PLEKHA5: variants seen among roughly 807,000 people sequenced by gnomAD.
PLEKHA5 encodes the protein pleckstrin homology domain containing A5, also known as pleckstrin homology domain-containing family A member 5.
PLEKHA5 carries 55 observed loss-of-function variants against 181.9 expected under a neutral mutation model. The observed-to-expected ratio is 0.30, with a 90% confidence interval of 0.24 to 0.38. PLEKHA5 has a LOEUF of 0.38. PLEKHA5 is among the 10% of genes least tolerant of loss of function. The probability of loss-of-function intolerance (pLI) is 1.00; values close to 1 mark genes in which losing one functional copy is unlikely to be tolerated. For missense variants in PLEKHA5, 1,432 were observed against 1,549.5 expected (o/e 0.92, Z 1.27); for synonymous variants, 535 against 529.4 (o/e 1.01, Z -0.15).
At chr12:19,255,888 A>G (rs1356333006) in intron 5 of PLEKHA5, among the ~76,000 whole-genome samples, 2 of 150,204 alleles carry the variant, frequency 1.3e-5, no homozygotes, top group African/African-American at 4.9e-5. Context: ...AGATTTGAAA[A>G]AAAAAAAAAA....
intron 2 of PLEKHA5, chr12:19,131,001 T>G (rs2033632724): frequency 6.6e-6 from 1 of 152,318 alleles, no homozygotes; most frequent in Non-Finnish European, 1.5e-5. Flanking sequence ...ATGCTAAGTG[T>G]GAGTGGAGCT....
At chr12:19,209,881 A>T (rs1301908582) in intron 3 of PLEKHA5, among the ~76,000 whole-genome samples, 3 of 152,190 alleles carry the variant, frequency 2.0e-5, no homozygotes, top group Non-Finnish European at 2.9e-5. Context: ...AATGTCTGGG[A>T]AGTCATCTTC....
chr12:19,356,235 C>T (rs1034479092), intron 26 of PLEKHA5, among the ~76,000 whole-genome samples: 1 of 151,788 alleles, frequency 6.6e-6, no homozygotes, highest in Non-Finnish European at 1.5e-5. Flanking sequence ...CAGGTTTAGG[C>T]CAGGCATAGT....
chr12:19,283,229 T>G, intron 11 of PLEKHA5, 51 bp from the exon 12 acceptor site: 3 of 1,108,834 alleles, frequency 2.7e-6, no homozygotes, highest in Non-Finnish European at 3.8e-6. Context: ...ATTTAGAATT[T>G]GGAAAATAAC....
intron 3 of PLEKHA5, chr12:19,150,291 A>C (rs1394924438): frequency 6.6e-6 from 1 of 152,086 alleles, no homozygotes; most frequent in Non-Finnish European, 1.5e-5. Context: ...GTGTCAGTTT[A>C]AGGTCCAAAA....
At chr12:19,361,843 A>G in intron 29 of PLEKHA5, 137 bp downstream of exon 29, 1 of 723,292 alleles carries the variant, frequency 1.4e-6, no homozygotes, top group Non-Finnish European at 2.4e-6. Context: ...AGCAAGTTAT[A>G]TAACCTCTTA....
intron 3 of PLEKHA5, among the ~76,000 whole-genome samples, chr12:19,232,945 T>C (rs1434976155): frequency 2.6e-5 from 4 of 152,100 alleles, no homozygotes; most frequent in African/African-American, 9.7e-5. Flanking sequence ...TCTACTTCAG[T>C]TTATATAGTT....
chr12:19,356,674 T>TC (rs2094946407), intron 26 of PLEKHA5, among the ~76,000 whole-genome samples: 2 of 143,268 alleles, frequency 1.4e-5, no homozygotes, highest in Admixed American at 1.4e-4. Flanking sequence ...TTTTTTTTTT[T>TC]TTTTTTTTTT....
rs1419787921 is a variant in PLEKHA5 at position 19,347,008 on chromosome 12, C to A, written c.2724C>A (p.Val908=). The change falls in exon 24 of 32, where the codon GTC becomes GTA. Residue 908 remains valine (V), a synonymous_variant. Coordinates refer to ENST00000429027, the MANE Select transcript of PLEKHA5 (RefSeq NM_001256470.2). The part of the protein sequence containing the change: ...VKYKNEEEEV[V]PPRPPLPRSY... ...ACAATCTTTAGGAAGAGGAAGTAGT[C>A]CCACCTCGTCCTCCACTTCCTCGGT... 1 of 1,548,116 alleles carries A rather than the reference C, an allele frequency of 6.5e-7. No homozygotes were observed.
intron 30 of PLEKHA5, among the ~76,000 whole-genome samples, chr12:19,367,291 T>C (rs1439914384): frequency 7.1e-6 from 1 of 140,300 alleles, no homozygotes; most frequent in Non-Finnish European, 1.5e-5. Context: ...TTTGAAGCTC[T>C]TTCACCCAGG....
At chr12:19,367,640 C>T (rs1592660201) in intron 30 of PLEKHA5, among the ~76,000 whole-genome samples, 3 of 151,826 alleles carry the variant, frequency 2.0e-5, no homozygotes, top group South Asian at 2.1e-4. Flanking sequence ...AGTGCAGTGG[C>T]GCGATCTCCA....
intron 1 of PLEKHA5, 69 bp downstream of exon 1, chr12:19,129,957 G>T: frequency 1.4e-6 from 2 of 1,481,346 alleles, no homozygotes; most frequent in East Asian, 2.5e-5. Context: ...CTGGCGACAC[G>T]GGGGAGAGCC....
chr12:19,358,477 A>G (rs964913971), intron 27 of PLEKHA5, 40 bp downstream of exon 27: 3 of 1,354,502 alleles, frequency 2.2e-6, no homozygotes, highest in African/African-American at 2.9e-5. Flanking sequence ...GTGTAAATCT[A>G]GTATCACTGA....
At chr12:19,253,235 T>C (rs899553711) in intron 3 of PLEKHA5, among the ~76,000 whole-genome samples, 4 of 150,958 alleles carry the variant, frequency 2.6e-5, no homozygotes, top group African/African-American at 9.7e-5. Context: ...CCACCACACC[T>C]GGCTAATTTT....
intron 20 of PLEKHA5, among the ~76,000 whole-genome samples, chr12:19,333,497 A>G (rs1362694929): frequency 2.7e-5 from 4 of 150,882 alleles, no homozygotes; most frequent in Non-Finnish European, 5.9e-5. Flanking sequence ...GTCGATGCAG[A>G]AGAATCACTT....
intron 3 of PLEKHA5, among the ~76,000 whole-genome samples, chr12:19,183,775 G>A (rs369971565): frequency 5.8e-4 from 89 of 152,184 alleles, no homozygotes; most frequent in African/African-American, 2.0e-3. Context: ...GCACAGTGGC[G>A]TGATCTTGGC....
At chr12:19,293,499 A>G (rs2152860238) in intron 15 of PLEKHA5, among the ~76,000 whole-genome samples, 1 of 152,290 alleles carries the variant, frequency 6.6e-6, no homozygotes, top group South Asian at 2.1e-4. Context: ...AGAAAAATGC[A>G]TCTTCCTTCA....
At chr12:19,301,354 T>C (rs554069922) in intron 15 of PLEKHA5, among the ~76,000 whole-genome samples, 1 of 152,358 alleles carries the variant, frequency 6.6e-6, no homozygotes, top group East Asian at 1.9e-4. Context: ...AAAAGATTTT[T>C]TTTAATTCAT....
chr12:19,226,523 T>C (rs1028097160), intron 3 of PLEKHA5, among the ~76,000 whole-genome samples: 10 of 152,190 alleles, frequency 6.6e-5, no homozygotes, highest in Non-Finnish European at 7.4e-5. Flanking sequence ...CTGTTTTCCA[T>C]AGCACCTGCA....
Sources: gnomAD v4.1 joint callset for allele counts (sites outside exome capture counted in the v4.1 genomes callset) on GRCh38, gnomAD v4.1.1 for gene constraint, MANE v1.5 for transcripts, NCBI Gene and HGNC (gene_info 2026-07-23, HGNC 2026-07-21) for gene names.